The following ANKRD34C variants were observed in gnomAD, a reference collection of about 807,000 sequenced individuals.
ANKRD34C encodes ankyrin repeat domain 34C, also known as ankyrin repeat domain-containing protein 34C.
For synonymous variants in ANKRD34C, 260 were observed against 253.6 expected (o/e 1.03, Z -0.24); for missense variants, 563 against 653.0 (o/e 0.86, Z 1.50).
intron 1 of ANKRD34C, among the ~76,000 whole-genome samples, chr15:79,291,302 G>A (rs1268752253): frequency 1.3e-5 from 2 of 152,156 alleles, no homozygotes; most frequent in Non-Finnish European, 2.9e-5. Context: ...AAGAAGACTG[G>A]AGTGGCAGGG....
intron 1 of ANKRD34C, among the ~76,000 whole-genome samples, chr15:79,288,251 G>A (rs115367083): frequency 0.01 from 1,523 of 152,292 alleles, 36 homozygotes; most frequent in African/African-American, 0.034. Flanking sequence ...TGGGGAGTAG[G>A]AATGAAGGAA....
chr15:79,295,231 G>A lies in ANKRD34C; in HGVS notation c.*339G>A, dbSNP rs2141203911. On this transcript the variant is annotated 3_prime_UTR_variant, in exon 2 of 2. Coordinates refer to ENST00000421388, the MANE Select transcript of ANKRD34C (RefSeq NM_001146341.2). ...GAATTTAAATCAGGAGGTAGTATTT[G>A]GAGTATGTCATTTGTAATAAATCTA... 2 of 228,762 alleles carry A rather than the reference G, an allele frequency of 8.7e-6. No individual in the cohort carries two copies. Among genetic ancestry groups the A allele is most frequent in the East Asian group, 1.1e-4 (1 of 8,868 alleles). 14.2% of individuals were successfully genotyped at this position (228,762 alleles called of 1,614,324 possible).
chr15:79,291,601 C>CACACACACAG (rs1429207880), intron 1 of ANKRD34C, among the ~76,000 whole-genome samples: 35 of 83,998 alleles, frequency 4.2e-4, no homozygotes, highest in South Asian at 8.7e-4. Flanking sequence ...CACACACACA[C>CACACACACAG]AGAGAGAGAG....
rs1203278656 is a variant in ANKRD34C at position 79,294,679 on chromosome 15, T to C, written c.1395T>C (p.Pro465=). ...ISHTRPGFLP[P]LNVNLNPPIP... ...ACACTAGGCCTGGCTTCCTGCCGCCTTTAAATGTGAATCTGAACCCGCCTA... is the reference window on the plus strand; with the variant it reads ...ACACTAGGCCTGGCTTCCTGCCGCCCTTAAATGTGAATCTGAACCCGCCTA... The change falls in exon 2 of 2, where the codon CCT becomes CCC. Residue 465 remains proline, a synonymous_variant. Transcript: ENST00000421388. 6.4e-7 allele frequency: 1 copy of C among 1,551,732 alleles called. No homozygotes were observed. The highest frequency in any genetic ancestry group is 2.0e-5 in the Admixed American group (1 of 51,012).
At chr15:79,285,016 G>T (rs2058639578) in intron 1 of ANKRD34C, among the ~76,000 whole-genome samples, 1 of 152,260 alleles carries the variant, frequency 6.6e-6, no homozygotes, top group African/African-American at 2.4e-5. Flanking sequence ...TCTCATAAAT[G>T]TTTATTGATT....
rs1221960420 is a variant in ANKRD34C, at chr15:79,294,941, A to G, written c.*49A>G. 2.0e-6 allele frequency: 3 copies of G among 1,464,176 alleles called. No homozygotes were observed. The East Asian group carries it at 7.4e-5, about 36-fold the overall frequency. The allele number at this position is 1,464,176 out of a possible 1,614,324, so 90.7% of individuals were successfully genotyped here. On this transcript the variant is annotated 3_prime_UTR_variant, in exon 2 of 2. Coordinates refer to ENST00000421388, the MANE Select transcript of ANKRD34C (RefSeq NM_001146341.2). The stretch of plus-strand genomic sequence containing the variant: ...GTCAATATAGTTTATGGAAGGGACT[A>G]TGGATGAGACTGCTTCCTGATCATT...
chr15:79,284,158 A>G (rs940746052), intron 1 of ANKRD34C, among the ~76,000 whole-genome samples: 2 of 152,116 alleles, frequency 1.3e-5, no homozygotes, highest in East Asian at 1.9e-4. Context: ...GAGTATCCCC[A>G]TTTTACAGAT....
rs753382968 is a variant in ANKRD34C, at chr15:79,294,081, C to T, written c.797C>T (p.Ser266Leu). Residue 266 changes from serine (S) to leucine (L), a missense_variant, in exon 2 of 2, where the codon TCG becomes TTG. By Grantham distance (145) the Ser-to-Leu change is moderately radical (BLOSUM62 -2). Transcript: ENST00000421388. The stretch of plus-strand genomic sequence containing the variant: ...ATAGCGCCCTCGGTGCTGGCAGCCT[C>T]GACGCGTCAGGATGAGACCCATGGT... ...GLIAPSVLAA[S>L]TRQDETHGAS... 38 of 1,551,424 alleles carry T rather than the reference C, an allele frequency of 2.4e-5. No individual in the cohort carries two copies. In the African/African-American group the frequency reaches 4.0e-4, roughly 16 times the overall value.
rs778744786 is a variant in ANKRD34C at position 79,293,841 on chromosome 15, C to T, written c.557C>T (p.Ala186Val). 26 of 1,551,592 alleles carry T rather than the reference C, an allele frequency of 1.7e-5. No homozygotes were observed. The highest frequency in any genetic ancestry group is 1.5e-4 in the African/African-American group (11 of 73,070). The change falls in exon 2 of 2, where the codon GCG becomes GTG. Residue 186 changes from alanine to valine, a missense_variant. Physicochemically the swap from Ala to Val is moderately conservative, Grantham distance 64 (BLOSUM62 0). Transcript: ENST00000421388. ...VEDRHSPPLC[A>V]SPSDIELKAL... The stretch of plus-strand genomic sequence containing the variant: ...GACAGGCATTCACCTCCACTGTGTG[C>T]GTCTCCCTCTGACATAGAGCTGAAG...
Position 79,287,041 on chromosome 15 carries a change from A to G in ANKRD34C, c.-45+3813A>G, listed in dbSNP as rs557187273. On this transcript the variant is annotated intron_variant, in intron 1 of 1. Coordinates refer to ENST00000421388, the MANE Select transcript of ANKRD34C (RefSeq NM_001146341.2). ...CTCATGTTTTTCAAGTACTAGCTCA[A>G]TTTTATTCTCTTTGTGAGCCCTTTC... Among the ~76,000 whole-genome samples, 74 of 152,268 alleles carry G rather than the reference A, an allele frequency of 4.9e-4. No homozygotes were observed. The South Asian group carries it at 8.3e-3, about 17-fold the overall frequency.
In ANKRD34C at chr15:79,295,077, A is replaced by G. The variant is rs1567017032; in HGVS notation, c.*185A>G. On this transcript the variant is annotated 3_prime_UTR_variant, in exon 2 of 2. Transcript: ENST00000421388. ...GCCTACTTGAAAAGAGCTCAGGATA[A>G]TTGGGTTTTGAAGATAAATTTTTAA... is the stretch of plus-strand genomic sequence containing the variant. 5.9e-6 allele frequency: 4 copies of G among 675,234 alleles called. No homozygotes were observed. Among genetic ancestry groups the G allele is most frequent in the South Asian group, 3.1e-5 (1 of 32,188 alleles). 41.8% of individuals were successfully genotyped at this position (675,234 alleles called of 1,614,324 possible).
chr15:79,294,795 G>C lies in ANKRD34C; in HGVS notation c.1511G>C (p.Arg504Thr), dbSNP rs1443577558. ...CCTGTTGCTCCAAGTTCACCAAAGA[G>C]AGTTGACTTAAGAAGTAAAAAGAAG... Reference protein sequence around the residue: ...MVPVAPSSPKRVDLRSKKKLL... With the variant: ...MVPVAPSSPKTVDLRSKKKLL... Residue 504 changes from arginine to threonine, a missense_variant, in exon 2 of 2, where the codon AGA becomes ACA. Physicochemically the swap from Arg to Thr is moderately conservative, Grantham distance 71 (BLOSUM62 -1). Coordinates refer to ENST00000421388, the MANE Select transcript of ANKRD34C (RefSeq NM_001146341.2). 1 of 1,551,612 alleles carries C rather than the reference G, an allele frequency of 6.4e-7. No individual in the cohort carries two copies. The highest frequency in any genetic ancestry group is 1.4e-5 in the African/African-American group (1 of 73,056).
At chr15:79,293,172 C>A in intron 1 of ANKRD34C, 69 bp from the exon 2 acceptor site, 2 of 1,195,830 alleles carry the variant, frequency 1.7e-6, no homozygotes, top group Non-Finnish European at 2.3e-6. Flanking sequence ...ACCCAGACCC[C>A]GTAATAACCA....
intron 1 of ANKRD34C, among the ~76,000 whole-genome samples, chr15:79,287,249 T>C (rs1251497393): frequency 6.6e-6 from 1 of 152,220 alleles, no homozygotes; most frequent in East Asian, 1.9e-4. Flanking sequence ...CTGGGTGATT[T>C]GAGGTAAGTG....
At chr15:79,286,182 T>A (rs2058644199) in intron 1 of ANKRD34C, among the ~76,000 whole-genome samples, 1 of 121,780 alleles carries the variant, frequency 8.2e-6, no homozygotes, top group Non-Finnish European at 1.6e-5. Context: ...TGGAAATGAG[T>A]CCAACAGAAA....
At position 79,293,315 on chromosome 15, in the gene ANKRD34C, G is replaced by A. The variant is rs1203184524; in HGVS notation, c.31G>A (p.Asp11Asn). The A allele has an allele frequency of 6.5e-7, 1 of 1,540,624 alleles. No homozygotes were observed. The highest frequency in any genetic ancestry group is 8.8e-7 in the Non-Finnish European group (1 of 1,141,924). The change falls in exon 2 of 2, where the codon GAT becomes AAT. Residue 11 changes from aspartate to asparagine, a missense_variant. Asp to Asn is a conservative substitution (Grantham distance 23, BLOSUM62 1). Transcript: ENST00000421388. The part of the protein sequence containing the change: MMDDDTELRT[D>N]GNSLLKAVWL... ...GGATGATGACACTGAATTAAGGACTGATGGAAACTCTTTGTTAAAGGCTGT... is the reference window on the plus strand; with the variant it reads ...GGATGATGACACTGAATTAAGGACTAATGGAAACTCTTTGTTAAAGGCTGT...
rs2058672363 is a variant in ANKRD34C, at chr15:79,296,350, G to A, written c.*1458G>A. 6.0e-6 allele frequency: 1 copy of A among 167,108 alleles called. No individual in the cohort carries two copies. Among genetic ancestry groups the A allele is most frequent in the South Asian group, 2.1e-4 (1 of 4,832 alleles). The allele number at this position is 167,108 out of a possible 1,614,324, so 10.4% of individuals were successfully genotyped here. On this transcript the variant is annotated 3_prime_UTR_variant, in exon 2 of 2. Transcript: ENST00000421388. Reference sequence around the variant, plus strand: ...ATGAGAATTAAATGACACAATGTATGAAAGTGCTGCCATTGTGCCTGGCAC... The same window carrying A: ...ATGAGAATTAAATGACACAATGTATAAAAGTGCTGCCATTGTGCCTGGCAC...
rs751378095 is a variant in ANKRD34C, at chr15:79,294,548, T to C, written c.1264T>C (p.Ser422Pro). ...GTCTCTTTTCCATGGCTCTCGGGAGTCCCTGGACACTGTACCTAGCACATC... is the reference window on the plus strand; with the variant it reads ...GTCTCTTTTCCATGGCTCTCGGGAGCCCCTGGACACTGTACCTAGCACATC... Reference protein sequence around the residue: ...HLSLFHGSRESLDTVPSTSPS... With the variant: ...HLSLFHGSREPLDTVPSTSPS... Residue 422 changes from serine (S) to proline (P), a missense_variant, in exon 2 of 2, where the codon TCC becomes CCC. Coordinates refer to ENST00000421388, the MANE Select transcript of ANKRD34C (RefSeq NM_001146341.2). The C allele has an allele frequency of 1.2e-5, 18 of 1,551,364 alleles. No homozygotes were observed. The East Asian group carries it at 4.4e-4, about 38-fold the overall frequency.
At chr15:79,283,833 C>T (rs1430013071) in intron 1 of ANKRD34C, 2 of 152,238 alleles carry the variant, frequency 1.3e-5, no homozygotes, top group Admixed American at 6.5e-5. Flanking sequence ...TCCCTAGCCC[C>T]CGGCCAACGC....
Sources: gnomAD v4.1 joint callset for allele counts (sites outside exome capture counted in the v4.1 genomes callset) on GRCh38, gnomAD v4.1.1 for gene constraint, MANE v1.5 for transcripts, NCBI Gene and HGNC (gene_info 2026-07-23, HGNC 2026-07-21) for gene names.